LDB2: variants seen among roughly 807,000 people sequenced by gnomAD.
LDB2 encodes the protein LIM domain binding 2, also known as LIM domain-binding protein 2.
In LDB2, 12 loss-of-function variants were observed where a neutral mutation model predicts 44.3. The ratio of observed to expected loss-of-function variants is 0.27; its 90% confidence interval spans 0.17 to 0.44. The LOEUF is 0.44. LDB2 is among the 20% of genes least tolerant of loss of function. LDB2 has a pLI of 1.00. For missense variants in LDB2, 344 were observed against 473.5 expected, an observed-to-expected ratio of 0.73 and a Z score of 2.54; for synonymous variants, 164 against 174.8, an observed-to-expected ratio of 0.94 and a Z score of 0.49.
intron 7 of LDB2, chr4:16,503,262 A>ACTT: frequency 2.3e-6 from 2 of 886,784 alleles, no homozygotes; most frequent in Middle Eastern, 4.5e-4. Context: ...AAAATCTGCC[A>ACTT]CTTTTATTTA....
At chr4:16,748,120 G>T (rs1036333949) in intron 2 of LDB2, among the ~76,000 whole-genome samples, 1 of 152,124 alleles carries the variant, frequency 6.6e-6, no homozygotes, top group Non-Finnish European at 1.5e-5. Context: ...AATGGGAGGG[G>T]CTTTATCACC....
intron 1 of LDB2, among the ~76,000 whole-genome samples, chr4:16,778,435 C>T (rs934292067): frequency 6.6e-5 from 10 of 152,150 alleles, no homozygotes; most frequent in East Asian, 5.8e-4. Flanking sequence ...GCTCCCTGCC[C>T]GCCCTACCTT....
intron 1 of LDB2, among the ~76,000 whole-genome samples, chr4:16,880,344 C>T (rs147677751): frequency 3.3e-5 from 5 of 152,232 alleles, no homozygotes; most frequent in South Asian, 2.1e-4. Context: ...GGAGAAGGAA[C>T]GGCTGAAATC....
Position 16,764,448 on chromosome 4 carries a change from A to C in LDB2, c.133-5188T>G, listed in dbSNP as rs115728249. On this transcript the variant is annotated intron_variant, in intron 1 of 7. Transcript: ENST00000304523. ...GCTGAGCCAAATAGAAGTCTCTGGC[A>C]GAAGATCTAACAACTCTACTGGTAG... Among the ~76,000 whole-genome samples the C allele has an allele frequency of 5.0e-3, 759 of 152,146 alleles. 9 individuals carry two copies. Among genetic ancestry groups the C allele is most frequent in the African/African-American group, 0.017 (710 of 41,506 alleles).
intron 2 of LDB2, among the ~76,000 whole-genome samples, chr4:16,623,282 C>T (rs1040137811): frequency 2.0e-5 from 3 of 152,236 alleles, no homozygotes; most frequent in African/African-American, 7.2e-5. Context: ...CATTTAATTG[C>T]TTTTAAACAT....
intron 5 of LDB2, among the ~76,000 whole-genome samples, chr4:16,537,869 G>A (rs112388838): frequency 1.3e-5 from 2 of 152,198 alleles, no homozygotes; most frequent in African/African-American, 2.4e-5. Context: ...GGTATCTAAG[G>A]TATAGGTATA....
At chr4:16,683,049 C>T (rs769126300) in intron 2 of LDB2, among the ~76,000 whole-genome samples, 4 of 152,184 alleles carry the variant, frequency 2.6e-5, no homozygotes, top group Non-Finnish European at 5.9e-5. Flanking sequence ...GTTTTTCAGC[C>T]TGACAAACTC....
At chr4:16,803,675 GA>G (rs200220298) in intron 1 of LDB2, among the ~76,000 whole-genome samples, 8 of 152,008 alleles carry the variant, frequency 5.3e-5, no homozygotes, top group Non-Finnish European at 1.0e-4. Flanking sequence ...TGGGCTAGTG[GA>G]AAAAAATCTG....
At chr4:16,795,175 AGAG>A (rs1036317732) in intron 1 of LDB2, among the ~76,000 whole-genome samples, 2 of 152,216 alleles carry the variant, frequency 1.3e-5, no homozygotes, top group African/African-American at 4.8e-5. Flanking sequence ...GGTCAGATGA[AGAG>A]GAGAAGATTC....
chr4:16,742,115 A>G (rs1763401854), intron 2 of LDB2, among the ~76,000 whole-genome samples: 1 of 127,582 alleles, frequency 7.8e-6, no homozygotes, highest in African/African-American at 3.1e-5. Context: ...CTCTGTTGCC[A>G]GGCTGGAGTT....
At chr4:16,732,223 G>A (rs1706128500) in intron 2 of LDB2, among the ~76,000 whole-genome samples, 1 of 152,164 alleles carries the variant, frequency 6.6e-6, no homozygotes, top group African/African-American at 2.4e-5. Flanking sequence ...AAAGGGGCTT[G>A]GGACTTGGTT....
At chr4:16,593,971 A>G (rs1423021516) in intron 3 of LDB2, among the ~76,000 whole-genome samples, 1 of 152,210 alleles carries the variant, frequency 6.6e-6, no homozygotes, top group African/African-American at 2.4e-5. Context: ...TTGGCCTGAG[A>G]AAGAAATTGA....
At chr4:16,534,596 G>T (rs762402185) in intron 5 of LDB2, among the ~76,000 whole-genome samples, 2 of 152,076 alleles carry the variant, frequency 1.3e-5, no homozygotes, top group African/African-American at 2.4e-5. Flanking sequence ...TGCTTTTTCC[G>T]TATCTTTACA....
Position 16,511,976 on chromosome 4 carries a change from T to G in LDB2, c.739+5A>C. 6.2e-7 allele frequency: 1 copy of G among 1,612,308 alleles called. No individual in the cohort carries two copies. The highest frequency in any genetic ancestry group is 1.7e-5 in the Admixed American group (1 of 59,788). ...TTAGAGAGAGAGTGAAGAATGAGGG[T>G]GTACCTGGCGGAGCCACCATCCTCT... On this transcript the variant is annotated splice_donor_5th_base_variant and intron_variant, in intron 6 of 7. Transcript: ENST00000304523.
At chr4:16,524,806 C>A (rs1002834483) in intron 5 of LDB2, among the ~76,000 whole-genome samples, 3 of 152,128 alleles carry the variant, frequency 2.0e-5, no homozygotes, top group African/African-American at 7.2e-5. Context: ...CCAAATATCC[C>A]AAAAGGCAAA....
intron 5 of LDB2, among the ~76,000 whole-genome samples, chr4:16,557,357 C>T (rs933594048): frequency 1.3e-5 from 2 of 152,330 alleles, no homozygotes; most frequent in East Asian, 3.9e-4. Context: ...CACTCCCACC[C>T]TAATACTGCA....
intron 7 of LDB2, among the ~76,000 whole-genome samples, chr4:16,504,548 T>C (rs1718601535): frequency 6.6e-6 from 1 of 152,198 alleles, no homozygotes; most frequent in South Asian, 2.1e-4. Context: ...GATTTATTTA[T>C]TTATTATGCA....
chr4:16,794,352 G>A (rs545465971), intron 1 of LDB2, among the ~76,000 whole-genome samples: 1 of 152,258 alleles, frequency 6.6e-6, no homozygotes, highest in South Asian at 2.1e-4. Flanking sequence ...ATATTAGGAT[G>A]ACCACCTCAA....
intron 2 of LDB2, among the ~76,000 whole-genome samples, chr4:16,714,932 A>G (rs1385068292): frequency 2.0e-5 from 3 of 152,266 alleles, no homozygotes; most frequent in Admixed American, 2.0e-4. Flanking sequence ...GGATGATCTC[A>G]TCAAGAACTT....
Sources: gnomAD v4.1 joint callset for allele counts (sites outside exome capture counted in the v4.1 genomes callset) on GRCh38, gnomAD v4.1.1 for gene constraint, MANE v1.5 for transcripts, NCBI Gene and HGNC (gene_info 2026-07-23, HGNC 2026-07-21) for gene names.